Variants in SLC6A16 observed in about 807,000 individuals in gnomAD.
SLC6A16 encodes orphan sodium- and chloride-dependent neurotransmitter transporter NTT5.
In SLC6A16, 54 loss-of-function variants were observed where a neutral mutation model predicts 65.4. The observed-to-expected ratio is 0.83, with a 90% CI of 0.66 to 1.04. The LOEUF is 1.04. Among genes scored for constraint, SLC6A16 ranks in the 50% least tolerant of loss-of-function variants. The pLI is 0.00. For missense variants in SLC6A16, 816 were observed against 914.0 expected, an observed-to-expected ratio of 0.89 and a Z score of 1.38; for synonymous variants, 330 against 346.5, an observed-to-expected ratio of 0.95 and a Z score of 0.53.
At chr19:49,319,752 A>G (rs1970678724) in intron 1 of SLC6A16, among the ~76,000 whole-genome samples, 1 of 152,172 alleles carries the variant, frequency 6.6e-6, no homozygotes, top group Admixed American at 6.5e-5. Context: ...CAACAGCAGC[A>G]GAATACACAT....
chr19:49,329,344 C>T (rs1172890449), upstream of SLC6A16, among the ~76,000 whole-genome samples: 2 of 152,098 alleles, frequency 1.3e-5, no homozygotes, highest in African/African-American at 4.8e-5. Context: ...GCCTCAGCCT[C>T]CCAAAGTGCT....
At chr19:49,313,625 CAAAAAAA>C (rs902187308) in intron 1 of SLC6A16, among the ~76,000 whole-genome samples, 1 of 47,386 alleles carries the variant, frequency 2.1e-5, no homozygotes, top group Non-Finnish European at 5.0e-5. Flanking sequence ...ACTAAAAATG[CAAAAAAA>C]AAAAAAAAAA....
At chr19:49,294,578 T>C in intron 7 of SLC6A16, 25 bp from the exon 8 acceptor site, 1 of 1,566,234 alleles carries the variant, frequency 6.4e-7, no homozygotes, top group Non-Finnish European at 8.6e-7. Flanking sequence ...TTGAATCAAA[T>C]CGAACCATTT....
intron 7 of SLC6A16, among the ~76,000 whole-genome samples, chr19:49,304,670 C>A (rs896110740): frequency 3.3e-5 from 5 of 152,140 alleles, no homozygotes; most frequent in Admixed American, 6.5e-5. Context: ...GAGGCTAAGG[C>A]AGGAGAATCG....
chr19:49,330,891 G>A, the SLC6A16 span, among the ~76,000 whole-genome samples: 2 of 151,200 alleles, frequency 1.3e-5, no homozygotes, highest in Non-Finnish European at 2.9e-5. Flanking sequence ...GCAGTGAGCC[G>A]AGGTTGTGCC....
intron 1 of SLC6A16, among the ~76,000 whole-genome samples, chr19:49,319,276 C>T (rs1054614292): frequency 6.6e-6 from 1 of 151,842 alleles, no homozygotes; most frequent in Non-Finnish European, 1.5e-5. Flanking sequence ...TGAAACCAGG[C>T]CAATTTTCCA....
chr19:49,318,045 C>G (rs574876221), intron 1 of SLC6A16, among the ~76,000 whole-genome samples: 1 of 152,218 alleles, frequency 6.6e-6, no homozygotes, highest in East Asian at 1.9e-4. Flanking sequence ...CTAGAATTAG[C>G]TGGGCTAAGT....
In SLC6A16 at chr19:49,325,169, G is replaced by A; in HGVS notation, c.-186C>T. The A allele has an allele frequency of 1.0e-6, 1 of 985,504 alleles. No homozygotes were observed. The highest frequency in any genetic ancestry group is 1.2e-6 in the Non-Finnish European group (1 of 829,964). 61.0% of individuals were successfully genotyped at this position (985,504 alleles called of 1,614,324 possible). The stretch of plus-strand genomic sequence containing the variant: ...GGCCCCTTCAGGCGTCGACAGATCG[G>A]TTTGGGCGACACCCCTCGATCTGCC... On this transcript the variant is annotated 5_prime_UTR_variant, in exon 1 of 12. Coordinates refer to ENST00000335875, the MANE Select transcript of SLC6A16 (RefSeq NM_014037.3).
chr19:49,301,067 A>T (rs946937999), intron 7 of SLC6A16, among the ~76,000 whole-genome samples: 8 of 152,228 alleles, frequency 5.3e-5, no homozygotes, highest in Admixed American at 3.9e-4. Context: ...ATAAATAAAT[A>T]AAATAAAATA....
chr19:49,312,452 A>G lies in SLC6A16; in HGVS notation c.-64-1041T>C, dbSNP rs150315894. ...CTGACTTTATTATCTATTGATTGTT[A>G]ATTTATTCATTGTCCATCTCTGCCT... is the stretch of plus-strand genomic sequence containing the variant. On this transcript the variant is annotated intron_variant, in intron 1 of 11. Coordinates refer to ENST00000335875, the MANE Select transcript of SLC6A16 (RefSeq NM_014037.3). 1.8e-4 allele frequency: 97 copies of G among 543,452 alleles called. No homozygotes were observed. In the African/African-American group the frequency reaches 2.0e-3, roughly 11 times the overall value. 33.7% of individuals were successfully genotyped at this position (543,452 alleles called of 1,614,324 possible). A position where few individuals can be genotyped will look rare whatever the true frequency, so the allele number is the denominator to read the frequency against.
upstream of SLC6A16, among the ~76,000 whole-genome samples, chr19:49,328,591 A>C (rs543064545): frequency 6.6e-6 from 1 of 152,314 alleles, no homozygotes; most frequent in South Asian, 2.1e-4. Flanking sequence ...TTCTGGATCT[A>C]TTTCAAGAAT....
the SLC6A16 span, chr19:49,339,007 A>C: frequency 8.1e-7 from 1 of 1,233,070 alleles, no homozygotes; most frequent in South Asian, 1.3e-5. The surrounding 1 kb of genome is among the most constrained non-coding windows in gnomAD (Gnocchi z 4.5). Context: ...GCTGTCAGTG[A>C]GTAGCGGCCT....
chr19:49,305,462 G>A (rs748241946), intron 7 of SLC6A16, among the ~76,000 whole-genome samples: 2 of 151,902 alleles, frequency 1.3e-5, no homozygotes, highest in African/African-American at 4.8e-5. Context: ...TGTGGTGGTG[G>A]GTGCCTGTAA....
intron 1 of SLC6A16, among the ~76,000 whole-genome samples, chr19:49,322,881 G>A (rs1262967282): frequency 2.0e-5 from 2 of 98,862 alleles, no homozygotes; most frequent in African/African-American, 4.0e-5. Context: ...AGAAAAACAC[G>A]TCCTAAAACT....
At chr19:49,293,747 G>C in intron 9 of SLC6A16, 80 bp downstream of exon 9, 1 of 1,292,536 alleles carries the variant, frequency 7.7e-7, no homozygotes. Context: ...CTGGGCTACA[G>C]GGACCCTGTC....
chr19:49,319,950 AAAC>A (rs1970681956), intron 1 of SLC6A16, among the ~76,000 whole-genome samples: 1 of 152,232 alleles, frequency 6.6e-6, no homozygotes, highest in African/African-American at 2.4e-5. Context: ...TGTAGAAATT[AAAC>A]AACACACTCT....
upstream of SLC6A16, among the ~76,000 whole-genome samples, chr19:49,327,848 A>G (rs1970813926): frequency 6.6e-6 from 1 of 152,214 alleles, no homozygotes; most frequent in Admixed American, 6.5e-5. Flanking sequence ...CCTTGAGGCA[A>G]GAAGTACACT....
intron 1 of SLC6A16, among the ~76,000 whole-genome samples, chr19:49,317,454 C>T (rs1013571223): frequency 2.0e-5 from 3 of 151,864 alleles, no homozygotes; most frequent in East Asian, 1.9e-4. Context: ...AAGAAATTTC[C>T]ACTTTTGACC....
At chr19:49,330,984 TTC>T in the SLC6A16 span, among the ~76,000 whole-genome samples, 1 of 151,400 alleles carries the variant, frequency 6.6e-6, no homozygotes, top group South Asian at 2.1e-4. Context: ...CCCCCAGAGT[TTC>T]TGATTGAGCA....
Sources: allele counts gnomAD v4.1 joint callset (sites outside exome capture counted in the v4.1 genomes callset), GRCh38; gene constraint gnomAD v4.1.1; non-coding constraint Gnocchi (gnomAD v3.1); transcripts MANE v1.5; gene names NCBI Gene and HGNC (gene_info 2026-07-23, HGNC 2026-07-21).